ARMC3: variants seen among roughly 807,000 people sequenced by gnomAD.
The protein encoded by ARMC3 is armadillo repeat containing 3.
In ARMC3, 74 loss-of-function variants were observed where a neutral mutation model predicts 90.3. That is an observed-to-expected ratio of 0.82 (90% CI 0.68 to 0.99). The LOEUF is 0.99. ARMC3 is among the 50% of genes least tolerant of loss of function. ARMC3 has a pLI of 0.00. For synonymous variants in ARMC3, 334 were observed against 361.8 expected (o/e 0.92, Z 0.87); for missense variants, 958 against 1,042.8 (o/e 0.92, Z 1.12).
At chr10:22,984,443 G>A (rs1291850788) in intron 10 of ARMC3, among the ~76,000 whole-genome samples, 1 of 152,052 alleles carries the variant, frequency 6.6e-6, no homozygotes, top group African/African-American at 2.4e-5. Flanking sequence ...AACGCTTTTT[G>A]TAAAACTAAC....
chr10:22,986,210 C>T (rs141955149), intron 10 of ARMC3, among the ~76,000 whole-genome samples: 12 of 151,440 alleles, frequency 7.9e-5, no homozygotes, highest in African/African-American at 2.7e-4. Flanking sequence ...GAACACTGTC[C>T]ATCCCATAGT....
chr10:22,972,708 C>G (rs1480705588), intron 8 of ARMC3, among the ~76,000 whole-genome samples: 1 of 152,142 alleles, frequency 6.6e-6, no homozygotes, highest in Non-Finnish European at 1.5e-5. Flanking sequence ...CCCAGGCCAT[C>G]CTGGGATCAT....
intron 4 of ARMC3, among the ~76,000 whole-genome samples, chr10:22,956,995 A>T (rs115474500): frequency 0.033 from 4,955 of 152,120 alleles, 115 homozygotes; most frequent in African/African-American, 0.064. Context: ...GTCAGCCACC[A>T]AAAACCCTGT....
rs779698923 is a variant in ARMC3 at position 22,961,849 on chromosome 10, TA to T, written c.538-28del. The T allele has an allele frequency of 4.9e-5, 74 of 1,522,184 alleles. No homozygotes were observed. In the East Asian group the frequency reaches 1.5e-3, roughly 30 times the overall value. The allele number at this position is 1,522,184 out of a possible 1,614,324, so 94.3% of individuals were successfully genotyped here. A position where few individuals can be genotyped will look rare whatever the true frequency, so the allele number is the denominator to read the frequency against. On this transcript the variant is annotated intron_variant, in intron 6 of 18. Coordinates refer to ENST00000298032, the MANE Select transcript of ARMC3 (RefSeq NM_173081.5). ...TCCATTCTTGAGGATGTATTTTGCTTAAAAAAATTATTGATCATCTGTATTT... is the reference window on the plus strand; with the variant it reads ...TCCATTCTTGAGGATGTATTTTGCTTAAAAAATTATTGATCATCTGTATTT...
chr10:23,030,632 A>C lies in ARMC3; in HGVS notation c.2082A>C (p.Lys694Asn). The change falls in exon 17 of 19, where the codon AAA becomes AAC. Residue 694 changes from lysine to asparagine, a missense_variant. Transcript: ENST00000298032. Reference sequence around the variant, plus strand: ...GAAAAAAAGAAGAGGAAAAAGTGAAAGAGGAGGAAGAGGTTATGGTGGTAC... The same window carrying C: ...GAAAAAAAGAAGAGGAAAAAGTGAACGAGGAGGAAGAGGTTATGGTGGTAC... ...SKGKKEEEKVKEEEEVMVVPK... is the reference protein window; with the variant it reads ...SKGKKEEEKVNEEEEVMVVPK... The C allele has an allele frequency of 1.9e-6, 3 of 1,613,688 alleles. No homozygotes were observed. The highest frequency in any genetic ancestry group is 2.5e-6 in the Non-Finnish European group (3 of 1,179,800).
intron 10 of ARMC3, among the ~76,000 whole-genome samples, chr10:22,986,111 C>CCCCT (rs532849158): frequency 8.6e-6 from 1 of 116,282 alleles, no homozygotes; most frequent in Admixed American, 8.4e-5. Flanking sequence ...GCACTGCACG[C>CCCCT]CCCCCCCCCG....
chr10:23,017,920 GT>G (rs1298552621), intron 16 of ARMC3, among the ~76,000 whole-genome samples: 3 of 152,230 alleles, frequency 2.0e-5, no homozygotes, highest in Admixed American at 1.3e-4. Flanking sequence ...CAAAGCTACT[GT>G]TTAATCTTAA....
At chr10:23,036,386 T>C (rs909464416) in intron 18 of ARMC3, among the ~76,000 whole-genome samples, 18 of 152,348 alleles carry the variant, frequency 1.2e-4, no homozygotes, top group Middle Eastern at 6.8e-3. Context: ...TATATACATA[T>C]ACAGGGTTCT....
At chr10:22,963,383 T>A (rs925892305) in intron 7 of ARMC3, among the ~76,000 whole-genome samples, 1 of 152,114 alleles carries the variant, frequency 6.6e-6, no homozygotes, top group African/African-American at 2.4e-5. Flanking sequence ...GAAGGGTTTT[T>A]TAAGAACTGG....
chr10:22,968,572 T>C, intron 8 of ARMC3, 83 bp downstream of exon 8: 9 of 1,263,088 alleles, frequency 7.1e-6, no homozygotes, highest in Non-Finnish European at 9.6e-6. Flanking sequence ...TGATCACAGC[T>C]CACTGCAGCC....
intron 7 of ARMC3, among the ~76,000 whole-genome samples, chr10:22,962,749 G>A (rs11013213): frequency 0.1 from 15,145 of 152,148 alleles, 873 homozygotes; most frequent in African/African-American, 0.15. Context: ...AAAACGGAGT[G>A]GTAACTTTGT....
chr10:22,954,571 C>T (rs2131228356), intron 3 of ARMC3, among the ~76,000 whole-genome samples: 1 of 150,058 alleles, frequency 6.7e-6, no homozygotes, highest in East Asian at 2.0e-4. Context: ...ACTCAGAAGA[C>T]TGAGGTGAGA....
intron 8 of ARMC3, among the ~76,000 whole-genome samples, chr10:22,975,016 T>C (rs3101795): frequency 0.43 from 64,813 of 152,014 alleles, 14,699 homozygotes; most frequent in African/African-American, 0.58. Flanking sequence ...ATATACATAT[T>C]GAATCTGTTT....
rs181074594 is a variant in ARMC3 at position 22,969,821 on chromosome 10, T to G, written c.916+1332T>G. Among the ~76,000 whole-genome samples, 3 of 152,292 alleles carry G rather than the reference T, an allele frequency of 2.0e-5. No individual in the cohort carries two copies. In the East Asian group the frequency reaches 5.8e-4, roughly 29 times the overall value. On this transcript the variant is annotated intron_variant, in intron 8 of 18. Coordinates refer to ENST00000298032, the MANE Select transcript of ARMC3 (RefSeq NM_173081.5). ...AGCATCTCTTTGGAGAGTATTTATA[T>G]GTATCAAATGTGGCTGGGTCATTCT...
rs79178216 is a variant in ARMC3, at chr10:23,002,178, G to T, written c.1562+123G>T. The T allele has an allele frequency of 1.4e-3, 1,980 of 1,384,872 alleles. 87 individuals are homozygous for T. In the East Asian group the frequency reaches 0.05, roughly 35 times the overall value. The allele number at this position is 1,384,872 out of a possible 1,614,324, so 85.8% of individuals were successfully genotyped here. A position where few individuals can be genotyped will look rare whatever the true frequency, so the allele number is the denominator to read the frequency against. ...TGCTCTCTCAGTCCGCTGAAGCGCT[G>T]CATGTCCCCAGGGCGGGCCTTGGCT... On this transcript the variant is annotated intron_variant, in intron 12 of 18. Transcript: ENST00000298032.
chr10:23,026,258 C>A (rs1166683649), intron 16 of ARMC3, among the ~76,000 whole-genome samples: 1 of 152,064 alleles, frequency 6.6e-6, no homozygotes, highest in East Asian at 1.9e-4. Flanking sequence ...TTAGGTTACT[C>A]TAGTGCCAAT....
chr10:22,959,632 C>G, intron 6 of ARMC3, 58 bp downstream of exon 6: 1 of 1,491,792 alleles, frequency 6.7e-7, no homozygotes, highest in Non-Finnish European at 8.9e-7. Context: ...TTTATTTTCC[C>G]ATTAAAAATA....
intron 2 of ARMC3, among the ~76,000 whole-genome samples, chr10:22,941,739 T>C (rs552045229): frequency 6.6e-6 from 1 of 152,282 alleles, no homozygotes; most frequent in African/African-American, 2.4e-5. Context: ...GTAACTTTAT[T>C]TTTTCTGAAA....
intron 12 of ARMC3, among the ~76,000 whole-genome samples, chr10:23,002,566 CTTTCTTTCTTTCTTTCTTTT>C (rs1837350644): frequency 7.3e-6 from 1 of 137,506 alleles, no homozygotes; most frequent in Non-Finnish European, 1.5e-5. Flanking sequence ...TTCTTTCTTT[CTTTCTTTCTTTCTTTCTTTT>C]TCTTTCTTTT....
Sources: allele counts gnomAD v4.1 joint callset (sites outside exome capture counted in the v4.1 genomes callset), GRCh38; gene constraint gnomAD v4.1.1; transcripts MANE v1.5; gene names NCBI Gene and HGNC (gene_info 2026-07-23, HGNC 2026-07-21).